The following ANKRD6 variants were observed in gnomAD, a reference collection of about 807,000 sequenced individuals.
ANKRD6 encodes ankyrin repeat domain 6, also known as ankyrin repeat domain-containing protein 6.
ANKRD6 carries 56 observed loss-of-function variants against 82.3 expected under a neutral mutation model. The ratio of observed to expected loss-of-function variants is 0.68; its 90% CI spans 0.55 to 0.85. ANKRD6 has a LOEUF of 0.85. ANKRD6 is among the 40% of genes least tolerant of loss of function. The pLI, the probability that ANKRD6 is intolerant of heterozygous loss-of-function variation, is 0.00. For missense variants in ANKRD6, 852 were observed against 907.6 expected (o/e 0.94, Z 0.79); for synonymous variants, 347 against 352.1 (o/e 0.99, Z 0.16).
chr6:89,532,024 C>T (rs948792943), intron 1 of ANKRD6, among the ~76,000 whole-genome samples: 7 of 152,136 alleles, frequency 4.6e-5, no homozygotes, highest in African/African-American at 1.4e-4. Context: ...GCCAATGTTG[C>T]GGATGAAGTC....
intron 2 of ANKRD6, among the ~76,000 whole-genome samples, chr6:89,576,772 G>C (rs1029956589): frequency 4.0e-5 from 6 of 151,850 alleles, no homozygotes; most frequent in African/African-American, 1.5e-4. Context: ...TGCTTTTCCT[G>C]CCTCTAAAAT....
At chr6:89,555,496 T>A (rs1469241007) in intron 1 of ANKRD6, among the ~76,000 whole-genome samples, 1 of 152,100 alleles carries the variant, frequency 6.6e-6, no homozygotes, top group African/African-American at 2.4e-5. Flanking sequence ...GTAGCAGACC[T>A]GGGATTTGAG....
intron 2 of ANKRD6, among the ~76,000 whole-genome samples, chr6:89,587,394 C>G (rs1298423965): frequency 6.6e-6 from 1 of 152,082 alleles, no homozygotes; most frequent in African/African-American, 2.4e-5. Flanking sequence ...GAGGCTGAGG[C>G]AGGAGAATCG....
At chr6:89,582,729 C>A (rs577316845) in intron 2 of ANKRD6, among the ~76,000 whole-genome samples, 1 of 145,574 alleles carries the variant, frequency 6.9e-6, no homozygotes, top group East Asian at 2.3e-4. Context: ...TCTTTCCTTA[C>A]CTAGAGGCAA....
At chr6:89,446,300 C>T (rs1449316316) in intron 1 of ANKRD6, among the ~76,000 whole-genome samples, 1 of 151,844 alleles carries the variant, frequency 6.6e-6, no homozygotes, top group African/African-American at 2.4e-5. Flanking sequence ...TGCAGTGAGT[C>T]AAGATCGTGC....
intron 1 of ANKRD6, among the ~76,000 whole-genome samples, chr6:89,521,015 A>T (rs910022896): frequency 6.0e-4 from 92 of 152,316 alleles, no homozygotes; most frequent in African/African-American, 2.2e-3. Flanking sequence ...GTCCTCCCAC[A>T]TTCTCTTATT....
intron 5 of ANKRD6, among the ~76,000 whole-genome samples, chr6:89,608,805 G>A (rs892272897): frequency 2.6e-5 from 4 of 152,104 alleles, no homozygotes; most frequent in African/African-American, 7.2e-5. Flanking sequence ...AGCATGCCCT[G>A]GATTATTTCA....
chr6:89,544,980 G>A (rs1784896372), intron 1 of ANKRD6, among the ~76,000 whole-genome samples: 3 of 151,552 alleles, frequency 2.0e-5, no homozygotes, highest in African/African-American at 4.8e-5. Flanking sequence ...TCGGGAGGCG[G>A]AGGCGGGCAG....
chr6:89,551,741 G>T (rs1016766945), intron 1 of ANKRD6, among the ~76,000 whole-genome samples: 1 of 152,178 alleles, frequency 6.6e-6, no homozygotes, highest in Admixed American at 6.5e-5. Context: ...AGGTTATTTT[G>T]GATCCTGCCT....
At chr6:89,510,549 A>G (rs975416035) in intron 1 of ANKRD6, among the ~76,000 whole-genome samples, 4 of 152,160 alleles carry the variant, frequency 2.6e-5, no homozygotes, top group Non-Finnish European at 5.9e-5. Context: ...TCTAGTTCAC[A>G]TACCATAAAA....
At chr6:89,553,390 C>T (rs1360347226) in intron 1 of ANKRD6, among the ~76,000 whole-genome samples, 2 of 152,166 alleles carry the variant, frequency 1.3e-5, no homozygotes, top group Non-Finnish European at 2.9e-5. Flanking sequence ...GGGAGAAGGC[C>T]TCTGTCCTCT....
intron 1 of ANKRD6, among the ~76,000 whole-genome samples, chr6:89,474,558 C>T (rs376676063): frequency 6.6e-6 from 1 of 152,278 alleles, no homozygotes; most frequent in Admixed American, 6.5e-5. Flanking sequence ...GCTGGGACTA[C>T]AGGCGCCTGC....
At chr6:89,455,248 A>C (rs1250524380) in intron 1 of ANKRD6, among the ~76,000 whole-genome samples, 1 of 151,934 alleles carries the variant, frequency 6.6e-6, no homozygotes, top group Non-Finnish European at 1.5e-5. Context: ...TTATAAAGAA[A>C]AGAGGTTTAA....
intron 2 of ANKRD6, among the ~76,000 whole-genome samples, chr6:89,595,386 G>A (rs1015567778): frequency 6.6e-6 from 1 of 151,804 alleles, no homozygotes; most frequent in South Asian, 2.1e-4. Flanking sequence ...AGATGGCGTC[G>A]CTGCACTGCA....
chr6:89,624,663 G>T lies in ANKRD6; in HGVS notation c.1343G>T (p.Gly448Val). ...SVQDKMNTKL[G>V]QMENKTQHQM... The stretch of plus-strand genomic sequence containing the variant: ...CAGGACAAAATGAATACAAAGCTGG[G>T]GCAGATGGAGAATAAGACCCAGCAC... Residue 448 changes from glycine to valine, a missense_variant, in exon 13 of 16, where the codon GGG becomes GTG. Coordinates refer to ENST00000339746, the MANE Select transcript of ANKRD6 (RefSeq NM_001242809.2). 1 of 1,601,188 alleles carries T rather than the reference G, an allele frequency of 6.2e-7. No homozygotes were observed. The highest frequency in any genetic ancestry group is 2.2e-5 in the East Asian group (1 of 44,488).
intron 9 of ANKRD6, chr6:89,621,246 C>G (rs1052699250): frequency 6.6e-6 from 1 of 152,222 alleles, no homozygotes; most frequent in Non-Finnish European, 1.5e-5. Flanking sequence ...GCAGAGAGGT[C>G]AAATCACTTG....
At chr6:89,435,415 T>C (rs9294437) in intron 1 of ANKRD6, among the ~76,000 whole-genome samples, 22,381 of 152,138 alleles carry the variant, frequency 0.15, 2,182 homozygotes, top group East Asian at 0.41. Flanking sequence ...CCCTTGCTTA[T>C]ATGAAAAACC....
chr6:89,496,359 G>A (rs1296791318), intron 1 of ANKRD6, among the ~76,000 whole-genome samples: 1 of 152,130 alleles, frequency 6.6e-6, no homozygotes, highest in Non-Finnish European at 1.5e-5. Flanking sequence ...CTGGGATCCT[G>A]TTGATAACAA....
At chr6:89,540,299 T>C (rs1459729466) in intron 1 of ANKRD6, among the ~76,000 whole-genome samples, 1 of 152,212 alleles carries the variant, frequency 6.6e-6, no homozygotes, top group Non-Finnish European at 1.5e-5. Flanking sequence ...ACATTTGTTA[T>C]TGCTTGTCTT....
Sources: gnomAD v4.1 joint callset for allele counts (sites outside exome capture counted in the v4.1 genomes callset) on GRCh38, gnomAD v4.1.1 for gene constraint, MANE v1.5 for transcripts, NCBI Gene and HGNC (gene_info 2026-07-23, HGNC 2026-07-21) for gene names.